The following BRINP3 variants were observed in gnomAD, a reference collection of about 807,000 sequenced individuals.
BRINP3 encodes BMP/retinoic acid-inducible neural-specific protein 3.
A neutral mutation model predicts 71.0 loss-of-function variants in BRINP3; 19 were observed. The observed-to-expected ratio is 0.27, with a 90% CI of 0.19 to 0.39. The LOEUF is 0.39. Ranked by LOEUF, BRINP3 falls within the 10% of genes least tolerant of loss-of-function variation. BRINP3 has a pLI of 1.00. For synonymous variants in BRINP3, 380 were observed against 337.7 expected (o/e 1.13, Z -1.37); for missense variants, 959 against 940.8 (o/e 1.02, Z -0.25).
chr1:190,417,649 C>T (rs1673096841), intron 2 of BRINP3, among the ~76,000 whole-genome samples: 1 of 151,964 alleles, frequency 6.6e-6, no homozygotes, highest in South Asian at 2.1e-4. Flanking sequence ...AATAATTGGC[C>T]CATCTCTAAA....
At chr1:190,183,466 C>A (rs574698770) in intron 6 of BRINP3, among the ~76,000 whole-genome samples, 1 of 152,086 alleles carries the variant, frequency 6.6e-6, no homozygotes, top group East Asian at 1.9e-4. Context: ...AGATTAAAGG[C>A]AGGTTAGCAT....
intron 2 of BRINP3, among the ~76,000 whole-genome samples, chr1:190,286,958 C>A (rs1375558617): frequency 2.6e-5 from 4 of 151,906 alleles, no homozygotes; most frequent in Non-Finnish European, 5.9e-5. Context: ...GTGGCTCATG[C>A]CTGTAATCCA....
chr1:190,407,284 A>G (rs1448675165), intron 2 of BRINP3, among the ~76,000 whole-genome samples: 1 of 152,250 alleles, frequency 6.6e-6, no homozygotes, highest in Non-Finnish European at 1.5e-5. Context: ...CAATTTATTG[A>G]TGAAAAATAT....
At chr1:190,294,380 C>A (rs1223477256) in intron 2 of BRINP3, among the ~76,000 whole-genome samples, 1 of 151,854 alleles carries the variant, frequency 6.6e-6, no homozygotes, top group East Asian at 1.9e-4. Flanking sequence ...CCAGCTCAGC[C>A]TCCTGAGTAG....
chr1:190,112,461 C>T (rs1319379094), intron 7 of BRINP3, among the ~76,000 whole-genome samples: 1 of 152,098 alleles, frequency 6.6e-6, no homozygotes, highest in Admixed American at 6.5e-5. Flanking sequence ...AATTCCTTGA[C>T]CATGGCACCA....
At chr1:190,403,919 T>C (rs1189112510) in intron 2 of BRINP3, among the ~76,000 whole-genome samples, 1 of 152,142 alleles carries the variant, frequency 6.6e-6, no homozygotes, top group Non-Finnish European at 1.5e-5. Flanking sequence ...CAGATAGCAA[T>C]GTGTATTTTA....
At chr1:190,268,595 C>A (rs1317383686) in intron 3 of BRINP3, among the ~76,000 whole-genome samples, 1 of 151,982 alleles carries the variant, frequency 6.6e-6, no homozygotes, top group Non-Finnish European at 1.5e-5. Context: ...ATCACAGTGT[C>A]AGAAAAAACA....
chr1:190,464,757 A>G (rs764608221), intron 1 of BRINP3, among the ~76,000 whole-genome samples: 2 of 151,816 alleles, frequency 1.3e-5, no homozygotes, highest in Non-Finnish European at 2.9e-5. Context: ...CTTGTCTTCA[A>G]TCATATTATA....
rs551933756 is a variant in BRINP3, at chr1:190,216,028, A to C, written c.961+10054T>G. The stretch of plus-strand genomic sequence containing the variant: ...GTTTTTTATTTATCCAAAAAAAAAA[A>C]CAACTGGGGATAACTCAGAAAGTTA... On this transcript the variant is annotated intron_variant, in intron 6 of 7. Transcript: ENST00000367462. 3.1e-3 allele frequency among the ~76,000 whole-genome samples: 476 copies of C among 151,658 alleles called. 3 individuals carry two copies. Among genetic ancestry groups the C allele is most frequent in the African/African-American group, 0.011 (450 of 41,472 alleles).
At chr1:190,357,024 G>C (rs1286241008) in intron 2 of BRINP3, among the ~76,000 whole-genome samples, 1 of 151,510 alleles carries the variant, frequency 6.6e-6, no homozygotes, top group African/African-American at 2.4e-5. Context: ...GAAATGATTT[G>C]GGGGATGATG....
At chr1:190,159,388 A>C (rs1304713037) in intron 7 of BRINP3, among the ~76,000 whole-genome samples, 1 of 152,114 alleles carries the variant, frequency 6.6e-6, no homozygotes, top group Non-Finnish European at 1.5e-5. Context: ...GAAAATTGAA[A>C]CATATGTCCA....
chr1:190,301,701 C>T (rs115115461), intron 2 of BRINP3, among the ~76,000 whole-genome samples: 2,133 of 151,888 alleles, frequency 0.014, 42 homozygotes, highest in African/African-American at 0.048. Flanking sequence ...TGTGTAATTA[C>T]ATAACTATCT....
At chr1:190,458,328 A>C (rs1293121803) in intron 1 of BRINP3, among the ~76,000 whole-genome samples, 5 of 152,126 alleles carry the variant, frequency 3.3e-5, no homozygotes, top group Non-Finnish European at 7.4e-5. Flanking sequence ...ACAAATTGAG[A>C]TATCCCAATA....
intron 2 of BRINP3, among the ~76,000 whole-genome samples, chr1:190,370,965 A>T (rs984462259): frequency 3.3e-5 from 5 of 152,152 alleles, no homozygotes; most frequent in Non-Finnish European, 7.3e-5. Context: ...CCTGTTGGTC[A>T]TCTGGTTGTC....
At chr1:190,119,448 C>A (rs548324235) in intron 7 of BRINP3, among the ~76,000 whole-genome samples, 1 of 151,756 alleles carries the variant, frequency 6.6e-6, no homozygotes, top group East Asian at 2.0e-4. Flanking sequence ...GCTAATTTTT[C>A]TATTTTTAGT....
At chr1:190,223,976 G>A (rs950927140) in intron 6 of BRINP3, among the ~76,000 whole-genome samples, 2 of 151,570 alleles carry the variant, frequency 1.3e-5, no homozygotes, top group African/African-American at 4.8e-5. Context: ...AAATTCTTAT[G>A]CAAAAAGTAC....
At chr1:190,330,729 A>G (rs940214549) in intron 2 of BRINP3, among the ~76,000 whole-genome samples, 5 of 152,046 alleles carry the variant, frequency 3.3e-5, no homozygotes, top group Admixed American at 6.6e-5. Context: ...TGGAATCAAC[A>G]TAAGTGCCCA....
chr1:190,349,111 G>A (rs959929392), intron 2 of BRINP3, among the ~76,000 whole-genome samples: 2 of 152,050 alleles, frequency 1.3e-5, no homozygotes, highest in Non-Finnish European at 2.9e-5. Flanking sequence ...AACAGCATAA[G>A]CAGTTCTACT....
chr1:190,242,781 T>G (rs1345830037), intron 4 of BRINP3, among the ~76,000 whole-genome samples: 1 of 152,076 alleles, frequency 6.6e-6, no homozygotes, highest in Admixed American at 6.6e-5. Context: ...AACTGTGAAT[T>G]ATAAAATTTA....
Sources: gnomAD v4.1 joint callset for allele counts (sites outside exome capture counted in the v4.1 genomes callset) on GRCh38, gnomAD v4.1.1 for gene constraint, MANE v1.5 for transcripts, NCBI Gene and HGNC (gene_info 2026-07-23, HGNC 2026-07-21) for gene names.